TIAM2: variants seen among roughly 807,000 people sequenced by gnomAD.
TIAM2 encodes the protein TIAM Rac1 associated GEF 2.
Under a neutral mutation model 152.9 loss-of-function variants are expected in TIAM2, and 80 were observed. The observed-to-expected ratio is 0.52, with a 90% CI of 0.44 to 0.63. TIAM2 has a LOEUF of 0.63. TIAM2 is among the 30% of genes least tolerant of loss of function. TIAM2 has a pLI of 0.00. For missense variants in TIAM2, 1,965 were observed against 2,120.1 expected (o/e 0.93, Z 1.44); for synonymous variants, 804 against 838.0 (o/e 0.96, Z 0.70).
At chr6:155,112,417 C>A (rs1051918844) in intron 2 of TIAM2, among the ~76,000 whole-genome samples, 1 of 151,958 alleles carries the variant, frequency 6.6e-6, no homozygotes, top group African/African-American at 2.4e-5. Flanking sequence ...GAGCCACCAC[C>A]GTGCCAGGTC....
At chr6:155,048,869 C>T (rs1332828077) in intron 1 of TIAM2, among the ~76,000 whole-genome samples, 2 of 151,502 alleles carry the variant, frequency 1.3e-5, no homozygotes, top group East Asian at 1.9e-4. Flanking sequence ...GGTGCAATCT[C>T]GGCTCACTGC....
At chr6:155,251,707 A>G (rs1258349213) in intron 22 of TIAM2, among the ~76,000 whole-genome samples, 1 of 152,180 alleles carries the variant, frequency 6.6e-6, no homozygotes, top group East Asian at 1.9e-4. Flanking sequence ...TCAATAAAAC[A>G]AAGAGTTTAA....
chr6:155,169,909 C>G (rs571993700), intron 9 of TIAM2, among the ~76,000 whole-genome samples: 1 of 152,208 alleles, frequency 6.6e-6, no homozygotes, highest in East Asian at 1.9e-4. Context: ...ACCTCTGCCT[C>G]CCAGGTTGAA....
intron 1 of TIAM2, among the ~76,000 whole-genome samples, chr6:155,070,148 C>T (rs1321314548): frequency 1.4e-5 from 2 of 147,938 alleles, no homozygotes; most frequent in East Asian, 4.0e-4. Flanking sequence ...CTCAGGTGAT[C>T]TGCCTGCCCC....
chr6:155,215,573 C>T (rs1245714012), intron 15 of TIAM2, among the ~76,000 whole-genome samples: 1 of 152,104 alleles, frequency 6.6e-6, no homozygotes, highest in East Asian at 1.9e-4. Flanking sequence ...AGCAGTTACT[C>T]AGTTTCCCTG....
At position 155,028,146 on chromosome 6, in the gene TIAM2, A is replaced by G. The variant is rs1292597795; in HGVS notation, c.-209+32654A>G. On this transcript the variant is annotated intron_variant, in intron 1 of 26. Coordinates refer to ENST00000682666, the MANE Select transcript of TIAM2 (RefSeq NM_012454.4). ...CATATATACTATATATAATATATGT[A>G]CTGTTACATATATACTACATATAAT... Among the ~76,000 whole-genome samples, 13 of 88,024 alleles carry G rather than the reference A, an allele frequency of 1.5e-4. 2 individuals are homozygous for G. The highest frequency in any genetic ancestry group is 2.7e-4 in the Non-Finnish European group (13 of 48,596). 57.7% of individuals were successfully genotyped at this position (88,024 alleles called of 152,430 possible). A position where few individuals can be genotyped will look rare whatever the true frequency, so the allele number is the denominator to read the frequency against.
intron 1 of TIAM2, among the ~76,000 whole-genome samples, chr6:155,025,665 CA>C (rs1489134840): frequency 6.6e-6 from 1 of 152,046 alleles, no homozygotes; most frequent in African/African-American, 2.4e-5. Flanking sequence ...TACATTGTAA[CA>C]TTTTTTCATC....
chr6:155,202,586 CTTTTTTT>C (rs34052608), intron 14 of TIAM2, among the ~76,000 whole-genome samples: 6 of 133,984 alleles, frequency 4.5e-5, no homozygotes, highest in South Asian at 2.4e-4. Flanking sequence ...ACCTGGATAA[CTTTTTTT>C]TTTTTTTTTT....
At chr6:155,158,486 T>A (rs1780178061) in intron 7 of TIAM2, among the ~76,000 whole-genome samples, 2 of 152,224 alleles carry the variant, frequency 1.3e-5, no homozygotes, top group African/African-American at 2.4e-5. Context: ...TTTTTCAGTC[T>A]TGTCTTTTTT....
intron 1 of TIAM2, among the ~76,000 whole-genome samples, chr6:155,074,590 C>T (rs1235773635): frequency 6.6e-6 from 1 of 152,152 alleles, no homozygotes; most frequent in Non-Finnish European, 1.5e-5. Flanking sequence ...TCACGTGATC[C>T]GCCTGCCTTG....
intron 14 of TIAM2, among the ~76,000 whole-genome samples, chr6:155,198,882 G>A (rs1336299606): frequency 6.6e-6 from 1 of 152,044 alleles, no homozygotes; most frequent in Non-Finnish European, 1.5e-5. Context: ...GATGGCCCAT[G>A]GCTGTGGTGG....
intron 1 of TIAM2, among the ~76,000 whole-genome samples, chr6:155,039,841 C>G (rs1192277261): frequency 6.6e-6 from 1 of 152,132 alleles, no homozygotes; most frequent in Non-Finnish European, 1.5e-5. Flanking sequence ...GCTTTATGCT[C>G]AGAAGCAAAA....
chr6:155,033,406 C>T (rs928426281), intron 1 of TIAM2, among the ~76,000 whole-genome samples: 1 of 152,146 alleles, frequency 6.6e-6, no homozygotes, highest in Non-Finnish European at 1.5e-5. Flanking sequence ...TATCTGTGGT[C>T]TCCAATATTT....
chr6:155,050,031 C>T (rs1172861496), intron 1 of TIAM2, among the ~76,000 whole-genome samples: 1 of 152,174 alleles, frequency 6.6e-6, no homozygotes, highest in Admixed American at 6.5e-5. Context: ...AACTAAAATT[C>T]TCAGAAGGTA....
At chr6:155,047,623 A>G (rs1228487724) in intron 1 of TIAM2, among the ~76,000 whole-genome samples, 1 of 147,380 alleles carries the variant, frequency 6.8e-6, no homozygotes, top group African/African-American at 2.5e-5. Context: ...GACAGAAAGC[A>G]CTTTCCCTTC....
At chr6:155,240,494 C>A (rs757726319) in intron 15 of TIAM2, 36 bp from the exon 16 acceptor site, 1 of 1,573,404 alleles carries the variant, frequency 6.4e-7, no homozygotes. Flanking sequence ...CAGGGAGAGG[C>A]CCGTGCATTA....
At position 155,240,565 on chromosome 6, in the gene TIAM2, T is replaced by A; in HGVS notation, c.3204T>A (p.Phe1068Leu). 6.2e-7 allele frequency: 1 copy of A among 1,614,108 alleles called. No individual in the cohort carries two copies. Among genetic ancestry groups the A allele is most frequent in the East Asian group, 2.2e-5 (1 of 44,886 alleles). ...AGATCACTGCACTGTGCAGGAGTTT[T>A]AACGACAGTCAGGCCAACGGCATGG... ...AEQITALCRS[F>L]NDSQANGMEG... is the part of the protein sequence containing the mutation. Residue 1068 changes from phenylalanine to leucine, a missense_variant, in exon 16 of 27, where the codon TTT becomes TTA. Transcript: ENST00000682666.
chr6:155,118,693 T>C (rs953665812), intron 2 of TIAM2, among the ~76,000 whole-genome samples: 43 of 151,908 alleles, frequency 2.8e-4, no homozygotes, highest in African/African-American at 1.0e-3. Context: ...CCTTGGCCTC[T>C]CAGTGTGTTG....
intron 2 of TIAM2, among the ~76,000 whole-genome samples, chr6:155,101,246 A>G (rs986615354): frequency 1.3e-5 from 2 of 152,034 alleles, no homozygotes; most frequent in Non-Finnish European, 2.9e-5. Context: ...GGTGTGCCTC[A>G]TTTTCTTCTA....
Sources: gnomAD v4.1 joint callset for allele counts (sites outside exome capture counted in the v4.1 genomes callset) on GRCh38, gnomAD v4.1.1 for gene constraint, MANE v1.5 for transcripts, NCBI Gene and HGNC (gene_info 2026-07-23, HGNC 2026-07-21) for gene names.